Variants in ITGAM observed in about 807,000 individuals in gnomAD.
ITGAM encodes integrin subunit alpha M, also known as integrin alpha-M.
A neutral mutation model predicts 137.5 loss-of-function variants in ITGAM; 79 were observed. That is an observed-to-expected ratio of 0.57 (90% CI 0.48 to 0.69). ITGAM has a LOEUF of 0.69. Ranked by LOEUF, ITGAM falls within the 30% of genes least tolerant of loss-of-function variation. ITGAM has a pLI of 0.00. For synonymous variants in ITGAM, 583 were observed against 592.3 expected (o/e 0.98, Z 0.23); for missense variants, 1,343 against 1,483.5 (o/e 0.91, Z 1.56).
Position 31,325,397 on chromosome 16 carries a change from C to A in ITGAM, c.2498C>A (p.Thr833Lys). The change falls in exon 20 of 30, where the codon ACG (threonine) becomes AAG (lysine). Residue 833 changes from threonine to lysine, a missense_variant. Thr to Lys is a moderately conservative substitution (Grantham distance 78). Transcript: ENST00000544665. ...PLDLSYRKVS[T>K]LQNQRSQRSW... ...GACCTGTCCTACCGGAAGGTGTCCA[C>A]GCTCCAGGTAGCCACATCCTTCTCA... The A allele has an allele frequency of 6.2e-7, 1 of 1,612,944 alleles. No individual in the cohort carries two copies.
At chr16:31,284,477 T>G (rs1392203815) in intron 12 of ITGAM, among the ~76,000 whole-genome samples, 1 of 121,290 alleles carries the variant, frequency 8.2e-6, no homozygotes, top group Non-Finnish European at 1.6e-5. Context: ...GATCTCAAAC[T>G]GCTGTGCTAG....
intron 14 of ITGAM, among the ~76,000 whole-genome samples, chr16:31,302,531 C>CTTTTGT (rs1003749501): frequency 4.7e-5 from 5 of 106,308 alleles, no homozygotes; most frequent in Non-Finnish European, 8.6e-5. Context: ...TTCTCTTTCT[C>CTTTTGT]TTTTGTTTTT....
chr16:31,305,356 G>A (rs928928935), intron 14 of ITGAM, among the ~76,000 whole-genome samples: 1 of 152,092 alleles, frequency 6.6e-6, no homozygotes, highest in African/African-American at 2.4e-5. Context: ...GAATCTTTTG[G>A]ATGAGCCTTT....
intron 5 of ITGAM, among the ~76,000 whole-genome samples, chr16:31,269,606 AAG>A (rs2079806514): frequency 1.3e-5 from 2 of 152,152 alleles, no homozygotes; most frequent in South Asian, 4.1e-4. Flanking sequence ...TTTATTTACA[AAG>A]AGGGGGGTTT....
At position 31,273,459 on chromosome 16, in the gene ITGAM, G is replaced by C; in HGVS notation, c.799G>C (p.Gly267Arg). The C allele has an allele frequency of 6.2e-7, 1 of 1,613,788 alleles. No homozygotes were observed. The highest frequency in any genetic ancestry group is 8.5e-7 in the Non-Finnish European group (1 of 1,179,794). The change falls in exon 8 of 30, where the codon GGA becomes CGA. Residue 267 changes from glycine to arginine, a missense_variant. Physicochemically the swap from Gly to Arg is moderately radical, Grantham distance 125. Coordinates refer to ENST00000544665, the MANE Select transcript of ITGAM (RefSeq NM_000632.4). ...TDGEKFGDPL[G>R]YEDVIPEADR... ...TGGAGAAAAGTTTGGCGATCCCTTG[G>C]GATATGAGGATGTCATCCCTGAGGC...
Position 31,308,223 on chromosome 16 carries a change from G to A in ITGAM, c.1707+10269G>A, listed in dbSNP as rs566891323. On this transcript the variant is annotated intron_variant, in intron 14 of 29. Transcript: ENST00000544665. ...GATTGGAAGAGTTTCAGAAGGAATG[G>A]TACCATCTCCTCCTTGTACCTCTGG... 3.3e-5 allele frequency among the ~76,000 whole-genome samples: 5 copies of A among 152,238 alleles called. No individual in the cohort carries two copies. In the South Asian group the frequency reaches 8.3e-4, roughly 25 times the overall value.
At chr16:31,265,310 C>A (rs939136207) in intron 2 of ITGAM, 85 bp from the exon 3 acceptor site, 5 of 624,476 alleles carry the variant, frequency 8.0e-6, no homozygotes, top group African/African-American at 7.7e-5. Context: ...GGGCCCCCAC[C>A]GTCCTCTGGG....
chr16:31,327,999 G>C, intron 22 of ITGAM, 148 bp from the exon 23 acceptor site: 1 of 658,282 alleles, frequency 1.5e-6, no homozygotes, highest in South Asian at 1.7e-5. Context: ...TGGGCTAGGC[G>C]GGGGCAGGGG....
intron 5 of ITGAM, 112 bp downstream of exon 5, chr16:31,266,259 A>C (rs2079766574): frequency 2.8e-6 from 2 of 721,636 alleles, no homozygotes; most frequent in South Asian, 3.2e-5. Flanking sequence ...AGAGTGGGGG[A>C]ACTGGGTCCC....
intron 14 of ITGAM, among the ~76,000 whole-genome samples, chr16:31,313,229 T>C (rs1391404833): frequency 6.6e-6 from 1 of 151,930 alleles, no homozygotes. Context: ...AAAAAAAAAT[T>C]ATACGTTAAG....
intron 14 of ITGAM, among the ~76,000 whole-genome samples, chr16:31,313,616 T>A (rs1157954812): frequency 6.6e-6 from 1 of 152,244 alleles, no homozygotes; most frequent in Non-Finnish European, 1.5e-5. Flanking sequence ...ATTTTCTTTA[T>A]ACAGTTTATC....
chr16:31,303,305 A>ATG (rs1197417946), intron 14 of ITGAM, among the ~76,000 whole-genome samples: 1 of 152,022 alleles, frequency 6.6e-6, no homozygotes, highest in Non-Finnish European at 1.5e-5. Context: ...AGGATTATAG[A>ATG]TGTGAGCCAC....
Position 31,321,460 on chromosome 16 carries a change from T to G in ITGAM, c.1839-4T>G. On this transcript the variant is annotated splice_region_variant and splice_polypyrimidine_tract_variant and intron_variant, in intron 15 of 29. Transcript: ENST00000544665. ...TCCCTGATGGTTTTCTGGTGTCCCT[T>G]TAGGTCCCAGCCAGTACTGAGAGTC... is the stretch of plus-strand genomic sequence containing the variant. The G allele has an allele frequency of 6.2e-7, 1 of 1,613,908 alleles. No individual in the cohort carries two copies. The highest frequency in any genetic ancestry group is 8.5e-7 in the Non-Finnish European group (1 of 1,179,856).
At chr16:31,301,604 C>T (rs1436257381) in intron 14 of ITGAM, among the ~76,000 whole-genome samples, 1 of 152,130 alleles carries the variant, frequency 6.6e-6, no homozygotes, top group Non-Finnish European at 1.5e-5. Flanking sequence ...CTTATTAGCT[C>T]ATATATTTGG....
chr16:31,280,914 G>T (rs1010220251), intron 12 of ITGAM, among the ~76,000 whole-genome samples: 1 of 152,134 alleles, frequency 6.6e-6, no homozygotes, highest in East Asian at 1.9e-4. Context: ...TTTATTTAGA[G>T]TTTTCAGCAT....
rs1213838705 is a variant in ITGAM, at chr16:31,331,687, C to T, written c.3439C>T (p.Pro1147Ser). ...GGACATGATGAGTGAAGGGGGTCCCCCGGGGGCCGAACCCCAGTAGCGGCT... is the reference window on the plus strand; with the variant it reads ...GGACATGATGAGTGAAGGGGGTCCCTCGGGGGCCGAACCCCAGTAGCGGCT... The part of the protein sequence containing the change: ...YKDMMSEGGP[P>S]GAEPQ Residue 1147 changes from proline to serine, a missense_variant, in exon 30 of 30, where the codon CCG (proline) becomes TCG (serine). Pro to Ser is a moderately conservative substitution (Grantham distance 74). Transcript: ENST00000544665. 1 of 1,608,336 alleles carries T rather than the reference C, an allele frequency of 6.2e-7. No individual in the cohort carries two copies.
intron 12 of ITGAM, among the ~76,000 whole-genome samples, chr16:31,295,267 A>C (rs1225564996): frequency 6.6e-6 from 1 of 152,056 alleles, no homozygotes; most frequent in Non-Finnish European, 1.5e-5. Context: ...AAAAAATGCC[A>C]TTGGGATTTT....
At chr16:31,325,434 A>G in intron 20 of ITGAM, 30 bp downstream of exon 20, 1 of 1,612,512 alleles carries the variant, frequency 6.2e-7, no homozygotes, top group South Asian at 1.1e-5. Context: ...GCTCTATCTG[A>G]CCTTTGCTTC....
At chr16:31,277,262 G>C (rs1035281209) in intron 11 of ITGAM, among the ~76,000 whole-genome samples, 1 of 151,766 alleles carries the variant, frequency 6.6e-6, no homozygotes, top group Non-Finnish European at 1.5e-5. Context: ...AATGGCACTC[G>C]GCTCACTACA....
Sources: gnomAD v4.1 joint callset for allele counts (sites outside exome capture counted in the v4.1 genomes callset) on GRCh38, gnomAD v4.1.1 for gene constraint, MANE v1.5 for transcripts, NCBI Gene and HGNC (gene_info 2026-07-23, HGNC 2026-07-21) for gene names.